Variants in ATP5F1B observed in about 807,000 individuals in gnomAD.
ATP5F1B encodes ATP synthase F1 subunit beta, also known as ATP synthase F(1) complex subunit beta, mitochondrial.
In ATP5F1B, 17 loss-of-function variants were observed where a neutral mutation model predicts 45.9. The observed-to-expected ratio is 0.37, with a 90% confidence interval of 0.25 to 0.56. ATP5F1B has a LOEUF of 0.56. Ranked by LOEUF, ATP5F1B falls within the 20% of genes least tolerant of loss-of-function variation. ATP5F1B has a pLI of 0.80. For missense variants in ATP5F1B, 387 were observed against 673.2 expected (o/e 0.57, Z 4.70); for synonymous variants, 218 against 256.5 (o/e 0.85, Z 1.43).
At position 56,642,508 on chromosome 12, in the gene ATP5F1B, T is replaced by G; in HGVS notation, c.1024A>C (p.Met342Leu). The G allele has an allele frequency of 1.2e-6, 2 of 1,614,112 alleles. No individual in the cohort carries two copies. The highest frequency in any genetic ancestry group is 1.7e-6 in the Non-Finnish European group (2 of 1,180,026). The stretch of plus-strand genomic sequence containing the variant: ...TTGGTAGTGGTAATTCTTTCCTGCA[T>G]AGTACCCATGTCAGTGGCCAGGGTA... ...QPTLATDMGTMQERITTTKKG... is the reference protein window; with the variant it reads ...QPTLATDMGTLQERITTTKKG... Residue 342 changes from methionine (M) to leucine (L), a missense_variant, in exon 7 of 10, where the codon ATG becomes CTG. Transcript: ENST00000262030.
In ATP5F1B at chr12:56,640,050, C is replaced by T. The variant is rs755679536; in HGVS notation, c.1217G>A (p.Arg406His). The change falls in exon 8 of 10, where the codon CGT becomes CAT. Residue 406 changes from arginine to histidine, a missense_variant. Coordinates refer to ENST00000262030, the MANE Select transcript of ATP5F1B (RefSeq NM_001686.4). ...PAVDPLDSTS[R>H]IMDPNIVGSE... ...GCCAACAATGTTGGGATCCATGATA[C>T]GAGAGGTGGAGTCTAGAGGATCCAC... 1.5e-5 allele frequency: 25 copies of T among 1,613,818 alleles called. No individual in the cohort carries two copies. Among genetic ancestry groups the T allele is most frequent in the East Asian group, 2.2e-5 (1 of 44,878 alleles).
chr12:56,645,459 C>A, intron 1 of ATP5F1B, 106 bp from the exon 2 acceptor site: 1 of 1,285,898 alleles, frequency 7.8e-7, no homozygotes, highest in South Asian at 1.5e-5. Flanking sequence ...GAAGTCAGGC[C>A]TCTTTCCGCT....
intron 3 of ATP5F1B, among the ~76,000 whole-genome samples, chr12:56,644,314 A>G (rs1469182178): frequency 6.7e-6 from 1 of 149,588 alleles, no homozygotes; most frequent in Non-Finnish European, 1.5e-5. Flanking sequence ...CGAGTCTTAA[A>G]AATACTCAAC....
In ATP5F1B at chr12:56,638,429, T is replaced by C. The variant is rs1200342552; in HGVS notation, c.1490-6A>G. The C allele has an allele frequency of 2.5e-6, 4 of 1,597,912 alleles. No homozygotes were observed. Among genetic ancestry groups the C allele is most frequent in the Non-Finnish European group, 3.4e-6 (4 of 1,169,896 alleles). On this transcript the variant is annotated splice_region_variant and splice_polypyrimidine_tract_variant and intron_variant, in intron 9 of 9. Coordinates refer to ENST00000262030, the MANE Select transcript of ATP5F1B (RefSeq NM_001686.4). ...TGGGAGATGGTCATATTCACCTGTA[T>C]GATGGGGGAGAAAAAAAAAAAGAGT...
At chr12:56,641,835 G>A (rs1219897724) in intron 7 of ATP5F1B, among the ~76,000 whole-genome samples, 1 of 151,334 alleles carries the variant, frequency 6.6e-6, no homozygotes, top group African/African-American at 2.4e-5. Context: ...ACAGGCGTGA[G>A]CCACCGTGCC....
At chr12:56,642,630 G>C in intron 6 of ATP5F1B, 43 bp downstream of exon 6, 1 of 1,613,946 alleles carries the variant, frequency 6.2e-7, no homozygotes, top group Non-Finnish European at 8.5e-7. Flanking sequence ...CTCATCCGAA[G>C]AAAGGCCAGA....
chr12:56,643,242 A>C, intron 5 of ATP5F1B, 161 bp downstream of exon 5: 1 of 579,222 alleles, frequency 1.7e-6, no homozygotes, highest in Non-Finnish European at 2.8e-6. Context: ...GGGGGAAAAC[A>C]CTAACAGGTT....
chr12:56,645,922 G>A lies in ATP5F1B; in HGVS notation c.42C>T (p.Ser14=), dbSNP rs1375018068. The stretch of plus-strand genomic sequence containing the variant: ...AAGGGGTGAGTCTCCGCAAGGCCCC[G>A]GAGGCCGGAGCAGCGGCCACCCGAC... The part of the protein sequence containing the change: ...FVGRVAAAPA[S]GALRRLTPSA... The change falls in exon 1 of 10, where the codon TCC becomes TCT. Residue 14 remains serine (S), a synonymous_variant. Transcript: ENST00000262030. 1.2e-6 allele frequency: 2 copies of A among 1,607,338 alleles called. No individual in the cohort carries two copies. Among genetic ancestry groups the A allele is most frequent in the Non-Finnish European group, 1.7e-6 (2 of 1,177,540 alleles).
At chr12:56,645,671 C>T (rs1951544537) in intron 1 of ATP5F1B, among the ~76,000 whole-genome samples, 166 bp downstream of exon 1, 1 of 152,208 alleles carries the variant, frequency 6.6e-6, no homozygotes, top group Non-Finnish European at 1.5e-5. Flanking sequence ...TCGAAGAAAC[C>T]TCCTATGGGT....
rs1951538568 is a variant in ATP5F1B at position 56,644,878 on chromosome 12, C to A, written c.388G>T (p.Ala130Ser). 1 of 1,614,074 alleles carries A rather than the reference C, an allele frequency of 6.2e-7. No homozygotes were observed. The highest frequency in any genetic ancestry group is 1.3e-5 in the African/African-American group (1 of 74,916). Residue 130 changes from alanine (A) to serine (S), a missense_variant, in exon 3 of 10, where the codon GCA becomes TCA. Around this residue, in one of 6 missense-constraint regions of ATP5F1B, gnomAD observed 113 missense variants for 168.0 expected, o/e 0.67. Transcript: ENST00000262030. ...VRGQKVLDSG[A>S]PIKIPVGPET... ...GGACCAACAGGAATTTTGATTGGTG[C>A]ACCAGAATCCAGTACTTTCTGGCCT...
intron 5 of ATP5F1B, 35 bp from the exon 6 acceptor site, chr12:56,642,866 A>C: frequency 6.2e-7 from 1 of 1,611,900 alleles, no homozygotes. Context: ...AAACCTGACA[A>C]AGGAGTAGAG....
At chr12:56,644,107 C>T in intron 3 of ATP5F1B, 149 bp from the exon 4 acceptor site, 1 of 893,448 alleles carries the variant, frequency 1.1e-6, no homozygotes, top group Non-Finnish European at 1.6e-6. Context: ...ATCAGATAAA[C>T]TATCATCTAG....
At chr12:56,645,474 C>T in intron 1 of ATP5F1B, 121 bp from the exon 2 acceptor site, 1 of 1,176,816 alleles carries the variant, frequency 8.5e-7, no homozygotes, top group Non-Finnish European at 1.2e-6. Context: ...TCCGCTTGTA[C>T]GGAACGCGTG....
Position 56,640,189 on chromosome 12 carries a change from T to G in ATP5F1B, c.1078A>C (p.Ile360Leu). The change falls in exon 8 of 10, where the codon ATC (isoleucine) becomes CTC (leucine). Residue 360 changes from isoleucine (I) to leucine (L), a missense_variant. Ile to Leu is a conservative substitution (Grantham distance 5, BLOSUM62 2). Around this residue, in one of 6 missense-constraint regions of ATP5F1B, gnomAD observed 154 missense variants for 361.4 expected, o/e 0.43. Coordinates refer to ENST00000262030, the MANE Select transcript of ATP5F1B (RefSeq NM_001686.4). ...GTCAAGTCATCAGCAGGCACATAGATAGCCTAAAGTGAGATCCCATGAAGA... is the reference window on the plus strand; with the variant it reads ...GTCAAGTCATCAGCAGGCACATAGAGAGCCTAAAGTGAGATCCCATGAAGA... ...KKGSITSVQA[I>L]YVPADDLTDP... 6.2e-7 allele frequency: 1 copy of G among 1,612,658 alleles called. No individual in the cohort carries two copies. Among genetic ancestry groups the G allele is most frequent in the Non-Finnish European group, 8.5e-7 (1 of 1,179,594 alleles).
In ATP5F1B at chr12:56,642,141, G is replaced by A. The variant is rs1001121129; in HGVS notation, c.1074+317C>T. On this transcript the variant is annotated intron_variant, in intron 7 of 9. Transcript: ENST00000262030. ...CCTCTGAGTAGTTGGGATTACAGGC[G>A]CCTGCCACAACGCCCAGCTAATTTT... Among the ~76,000 whole-genome samples, 50 of 151,176 alleles carry A rather than the reference G, an allele frequency of 3.3e-4. 3 individuals are homozygous for A. The highest frequency in any genetic ancestry group is 2.4e-5 in the African/African-American group (1 of 41,208).
At chr12:56,645,381 C>A (rs1052354269) in intron 1 of ATP5F1B, 28 bp from the exon 2 acceptor site, 1 of 1,602,460 alleles carries the variant, frequency 6.2e-7, no homozygotes, top group South Asian at 1.1e-5. Flanking sequence ...TTGGAAGGAG[C>A]TGGGGTCAGG....
Position 56,645,830 on chromosome 12 carries a change from C to G in ATP5F1B, c.127+7G>C, listed in dbSNP as rs748082322. 1.2e-6 allele frequency: 2 copies of G among 1,607,680 alleles called. No individual in the cohort carries two copies. The highest frequency in any genetic ancestry group is 1.1e-5 in the South Asian group (1 of 89,824). ...TGGAACGTTAGCTCCTAGAGAAAAG[C>G]ACTTACCAGGATGGACCGCCGTCGG... On this transcript the variant is annotated splice_region_variant and intron_variant, in intron 1 of 9. Transcript: ENST00000262030.
chr12:56,640,778 GGCTCAT>G (rs994283109), intron 7 of ATP5F1B, among the ~76,000 whole-genome samples: 3 of 151,544 alleles, frequency 2.0e-5, no homozygotes, highest in African/African-American at 7.3e-5. Context: ...CAGGCACGGT[GGCTCAT>G]GCCTATAATC....
chr12:56,644,125 C>A (rs1951533075), intron 3 of ATP5F1B, among the ~76,000 whole-genome samples, 167 bp from the exon 4 acceptor site: 1 of 139,004 alleles, frequency 7.2e-6, no homozygotes, highest in Non-Finnish European at 1.7e-5. Flanking sequence ...TAGGATCTAA[C>A]CCAACTTTCT....
Sources: allele counts gnomAD v4.1 joint callset (sites outside exome capture counted in the v4.1 genomes callset), GRCh38; gene constraint gnomAD v4.1.1; regional missense constraint gnomAD v4.1.1; transcripts MANE v1.5; gene names NCBI Gene and HGNC (gene_info 2026-07-23, HGNC 2026-07-21).